TACC2: variants seen among roughly 807,000 people sequenced by gnomAD.
TACC2 encodes transforming acidic coiled-coil containing protein 2, also known as transforming acidic coiled-coil-containing protein 2.
TACC2 carries 137 observed loss-of-function variants against 227.3 expected under a neutral mutation model. The ratio of observed to expected loss-of-function variants is 0.60; its 90% CI spans 0.52 to 0.69. The LOEUF (loss-of-function observed/expected upper bound fraction) is 0.69. TACC2 is among the 30% of genes least tolerant of loss of function. TACC2 has a pLI of 0.00. For missense variants in TACC2, 3,470 were observed against 3,694.4 expected (o/e 0.94, Z 1.57); for synonymous variants, 1,523 against 1,487.5 (o/e 1.02, Z -0.55).
intron 13 of TACC2, among the ~76,000 whole-genome samples, chr10:122,227,536 A>T (rs1407417270): frequency 6.6e-6 from 1 of 152,154 alleles, no homozygotes. Flanking sequence ...TCTTATAGAG[A>T]AGGAAATGGA....
rs369817291 is a variant in TACC2 at position 122,251,379 on chromosome 10, C to T, written c.8781+1715C>T. On this transcript the variant is annotated intron_variant, in intron 22 of 22. Transcript: ENST00000369005. The stretch of plus-strand genomic sequence containing the variant: ...AGCAGTATCCTCAGAACGACATATG[C>T]GGTCACAACTGTCAAGTGCAAGTTT... Among the ~76,000 whole-genome samples, 20 of 152,260 alleles carry T rather than the reference C, an allele frequency of 1.3e-4. 1 individual carries two copies. The highest frequency in any genetic ancestry group is 2.9e-4 in the African/African-American group (12 of 41,530).
In TACC2 at chr10:122,107,263, G is replaced by A. The variant is rs111234725; in HGVS notation, c.5573+18672G>A. ...TCAGAATTATCTACAGGCTGGGTGC[G>A]GTGGCTCATGCTTCTAATCCCAGCA... On this transcript the variant is annotated intron_variant, in intron 5 of 22. Transcript: ENST00000369005. 7.1e-3 allele frequency among the ~76,000 whole-genome samples: 1,075 copies of A among 152,224 alleles called. 15 individuals are homozygous for A. Among genetic ancestry groups the A allele is most frequent in the African/African-American group, 0.024 (979 of 41,542 alleles).
intron 3 of TACC2, among the ~76,000 whole-genome samples, chr10:122,073,289 A>AG (rs2078361953): frequency 6.6e-6 from 1 of 151,776 alleles, no homozygotes; most frequent in Non-Finnish European, 1.5e-5. Flanking sequence ...GAAGGGGAGC[A>AG]GGGGGTCTCA....
At position 122,150,525 on chromosome 10, in the gene TACC2, T is replaced by G. The variant is rs2091929372; in HGVS notation, c.5834+6819T>G. On this transcript the variant is annotated intron_variant, in intron 7 of 22. Coordinates refer to ENST00000369005, the MANE Select transcript of TACC2 (RefSeq NM_206862.4). The surrounding 1 kb of genome is among the most constrained non-coding windows in gnomAD (Gnocchi z 4.0). ...CGTTCCTTCCAAGCCAAATGCGTGC[T>G]CTCCAGCCCTCAGACCCAGTGGAGG... is the stretch of plus-strand genomic sequence containing the variant. Among the ~76,000 whole-genome samples the G allele has an allele frequency of 6.6e-6, 1 of 152,070 alleles. No individual in the cohort carries two copies. The highest frequency in any genetic ancestry group is 1.5e-5 in the Non-Finnish European group (1 of 68,006).
At chr10:122,176,107 CTCTCTCTCTCTATATATATATATATA>C (rs1420694525) in intron 7 of TACC2, among the ~76,000 whole-genome samples, 28 of 70,534 alleles carry the variant, frequency 4.0e-4, no homozygotes, top group African/African-American at 1.8e-3. Context: ...CTCTCTCTCT[CTCTCTCTCTCTATATATATATATATA>C]TATATATATA....
chr10:122,162,700 T>C (rs572603281), intron 7 of TACC2, among the ~76,000 whole-genome samples: 2 of 152,314 alleles, frequency 1.3e-5, no homozygotes, highest in African/African-American at 4.8e-5. Flanking sequence ...GGGATTTGGC[T>C]GCTGATGGGT....
chr10:122,238,137 G>T, intron 18 of TACC2, 100 bp downstream of exon 18: 2 of 866,878 alleles, frequency 2.3e-6, no homozygotes, highest in South Asian at 1.6e-5. Context: ...TGTCTTCTGT[G>T]GAAGTTCTCT....
chr10:122,041,070 AG>A (rs2074198312), intron 2 of TACC2, among the ~76,000 whole-genome samples: 1 of 152,254 alleles, frequency 6.6e-6, no homozygotes, highest in Non-Finnish European at 1.5e-5. Context: ...CCAGGAGGAC[AG>A]GAGAATCTGT....
intron 12 of TACC2, 130 bp downstream of exon 12, chr10:122,224,917 G>A (rs2095595504): frequency 2.7e-6 from 2 of 741,778 alleles, no homozygotes; most frequent in East Asian, 2.5e-5. Flanking sequence ...AGCTTCCCGG[G>A]TGCACAGCAG....
Position 122,085,494 on chromosome 10 carries a change from T to A in TACC2, c.2994T>A (p.Ala998=), listed in dbSNP as rs1419777555. ...CAAACAAGTCTCAACAGGCATTGGC[T>A]GATGCCTTGGAAGAAGGCAGCCAGC... ...QGPNKSQQAL[A]DALEEGSQHE... is the part of the protein sequence containing the mutation. The change falls in exon 4 of 23, where the codon GCT becomes GCA. Residue 998 remains alanine, a synonymous_variant. Transcript: ENST00000369005. 4 of 1,613,520 alleles carry A rather than the reference T, an allele frequency of 2.5e-6. No homozygotes were observed. The highest frequency in any genetic ancestry group is 3.4e-6 in the Non-Finnish European group (4 of 1,180,058).
chr10:122,143,503 TG>T, intron 6 of TACC2, 68 bp from the exon 7 acceptor site: 3 of 1,551,528 alleles, frequency 1.9e-6, no homozygotes, highest in South Asian at 2.4e-5. Context: ...GTGGGGTGAA[TG>T]GGGCCTGATG....
At chr10:122,133,400 A>G (rs2088803114) in intron 6 of TACC2, among the ~76,000 whole-genome samples, 1 of 152,072 alleles carries the variant, frequency 6.6e-6, no homozygotes, top group East Asian at 1.9e-4. Context: ...CTTTCCCAGA[A>G]TCAGCTCAGA....
intron 5 of TACC2, among the ~76,000 whole-genome samples, chr10:122,096,309 A>G (rs2081386584): frequency 6.6e-6 from 1 of 152,180 alleles, no homozygotes; most frequent in Admixed American, 6.5e-5. Flanking sequence ...GCATTGTAAG[A>G]AGCCCTGGAT....
intron 15 of TACC2, among the ~76,000 whole-genome samples, chr10:122,229,823 G>A (rs1456098362): frequency 2.0e-5 from 3 of 152,176 alleles, no homozygotes; most frequent in Non-Finnish European, 2.9e-5. Context: ...GAGCCAAGCC[G>A]TTTATATATA....
intron 7 of TACC2, among the ~76,000 whole-genome samples, chr10:122,158,972 A>G (rs1030791741): frequency 1.3e-5 from 2 of 152,114 alleles, no homozygotes; most frequent in Admixed American, 1.3e-4. Context: ...GAGAGTGGAG[A>G]CACCAGACAC....
chr10:122,098,611 G>C (rs745848749), intron 5 of TACC2, among the ~76,000 whole-genome samples: 2 of 152,164 alleles, frequency 1.3e-5, no homozygotes, highest in Admixed American at 1.3e-4. Context: ...AAAAAATAAC[G>C]TGTGAAAAGC....
chr10:122,247,573 A>G (rs2096153634), intron 19 of TACC2: 1 of 152,296 alleles, frequency 6.6e-6, no homozygotes, highest in African/African-American at 2.4e-5. Context: ...AGCCATAAAA[A>G]AAGAACAAAG....
chr10:121,994,903 T>C (rs1953240670), intron 1 of TACC2, among the ~76,000 whole-genome samples: 1 of 152,220 alleles, frequency 6.6e-6, no homozygotes, highest in Admixed American at 6.5e-5. Flanking sequence ...AATACGTCAC[T>C]GGTTACTTTT....
rs1362915299 is a variant in TACC2, at chr10:122,195,106, T to C, written c.5901T>C (p.Ala1967=). 2 of 1,612,390 alleles carry C rather than the reference T, an allele frequency of 1.2e-6. No homozygotes were observed. Among genetic ancestry groups the C allele is most frequent in the Non-Finnish European group, 1.7e-6 (2 of 1,179,012 alleles). Residue 1967 remains alanine, a synonymous_variant, in exon 8 of 23, where the codon GCT becomes GCC. Transcript: ENST00000369005. The part of the protein sequence containing the change: ...ESTTPVKAPP[A]PPPPPPEVIP... ...CGACCCCTGTCAAAGCTCCGCCAGC[T>C]CCACCCCCACCACCCCCCGAAGTCA...
Sources: allele counts gnomAD v4.1 joint callset (sites outside exome capture counted in the v4.1 genomes callset), GRCh38; gene constraint gnomAD v4.1.1; non-coding constraint Gnocchi (gnomAD v3.1); transcripts MANE v1.5; gene names NCBI Gene and HGNC (gene_info 2026-07-23, HGNC 2026-07-21).